The following GDAP1 variants were observed in gnomAD, a reference collection of about 807,000 sequenced individuals.
The protein encoded by GDAP1 is ganglioside-induced differentiation-associated protein 1.
A neutral mutation model predicts 40.1 loss-of-function variants in GDAP1; 34 were observed. The observed-to-expected ratio is 0.85, with a 90% CI of 0.64 to 1.13. The LOEUF (loss-of-function observed/expected upper bound fraction) is 1.13, where lower values mean the gene tolerates loss of function less well. GDAP1 is among the 50% of genes most tolerant of loss of function. GDAP1 has a pLI of 0.00. For synonymous variants in GDAP1, 170 were observed against 157.4 expected (o/e 1.08, Z -0.60); for missense variants, 374 against 433.7 (o/e 0.86, Z 1.22).
intron 2 of GDAP1, among the ~76,000 whole-genome samples, chr8:74,411,961 C>A (rs566310386): frequency 6.7e-6 from 1 of 149,970 alleles, no homozygotes; most frequent in Non-Finnish European, 1.5e-5. Flanking sequence ...CCTGGGAATA[C>A]CACTTTTTCA....
intron 2 of GDAP1, among the ~76,000 whole-genome samples, chr8:74,417,513 C>T (rs903808195): frequency 2.0e-5 from 3 of 150,034 alleles, no homozygotes; most frequent in African/African-American, 2.5e-5. Flanking sequence ...GTGATCCACC[C>T]GCCTAGGCCT....
intron 2 of GDAP1, among the ~76,000 whole-genome samples, chr8:74,402,541 C>T (rs7814432): frequency 0.49 from 73,366 of 149,626 alleles, 19,266 homozygotes; most frequent in Middle Eastern, 0.57. Flanking sequence ...CTTCGGCTCG[C>T]GCATGGTGCG....
At chr8:74,464,104 C>G (rs1264847482) in intron 2 of GDAP1, among the ~76,000 whole-genome samples, 1 of 152,018 alleles carries the variant, frequency 6.6e-6, no homozygotes, top group Non-Finnish European at 1.5e-5. Flanking sequence ...TTTTAAAGGA[C>G]AAATCTGGGT....
chr8:74,376,660 C>G (rs1345057421), intron 2 of GDAP1: 1 of 137,104 alleles, frequency 7.3e-6, no homozygotes, highest in Admixed American at 7.1e-5. Context: ...GAGGGACTTT[C>G]ATTATCTTAT....
At chr8:74,449,323 C>A (rs898978882) in intron 2 of GDAP1, among the ~76,000 whole-genome samples, 4 of 151,770 alleles carry the variant, frequency 2.6e-5, no homozygotes, top group African/African-American at 9.7e-5. Flanking sequence ...CATACAAGCT[C>A]TTCTGTGTTT....
chr8:74,383,791 G>T (rs893726383), intron 2 of GDAP1, among the ~76,000 whole-genome samples: 3 of 152,016 alleles, frequency 2.0e-5, no homozygotes, highest in Non-Finnish European at 4.4e-5. Context: ...ACCTATTGCC[G>T]ATTCACTTCT....
chr8:74,364,558 C>T lies in GDAP1; in HGVS notation c.*191C>T. On this transcript the variant is annotated 3_prime_UTR_variant, in exon 6 of 6. Coordinates refer to ENST00000220822, the MANE Select transcript of GDAP1 (RefSeq NM_018972.4). The stretch of plus-strand genomic sequence containing the variant: ...CAAAATTGCTTTATTCTACAACTGC[C>T]AGCTCCAGGCAGAAATAGGAAGGCA... 1.4e-6 allele frequency: 1 copy of T among 696,146 alleles called. No individual in the cohort carries two copies. The highest frequency in any genetic ancestry group is 2.6e-6 in the Non-Finnish European group (1 of 383,974). 43.1% of individuals were successfully genotyped at this position (696,146 alleles called of 1,614,324 possible).
chr8:74,465,438 C>G lies in GDAP1; in HGVS notation c.166-23240C>G, dbSNP rs531344827. Among the ~76,000 whole-genome samples the G allele has an allele frequency of 7.9e-5, 12 of 152,140 alleles. No homozygotes were observed. In the South Asian group the frequency reaches 1.7e-3, roughly 21 times the overall value. ...TACAAAGTACTGCTGGTCTCCCTTC[C>G]CTTCCACCTCCACTGCCCCACAGAG... On this transcript the variant is annotated intron_variant, in intron 2 of 2. Coordinates refer to the GDAP1 transcript ENST00000523640.
At chr8:74,379,130 G>A (rs1016069442) in intron 2 of GDAP1, among the ~76,000 whole-genome samples, 1 of 3,074 alleles carries the variant, frequency 3.3e-4, no homozygotes, top group Non-Finnish European at 1.0e-3. Flanking sequence ...GGTCATGTTT[G>A]TCCGACTTTC....
intron 2 of GDAP1, among the ~76,000 whole-genome samples, chr8:74,399,818 A>G (rs1441486936): frequency 7.3e-6 from 1 of 136,320 alleles, no homozygotes; most frequent in Non-Finnish European, 1.5e-5. Flanking sequence ...CCCAGTAGTC[A>G]TTCAGGAGCA....
At position 74,460,260 on chromosome 8, in the gene GDAP1, A is replaced by G. The variant is rs1458586972; in HGVS notation, c.166-28418A>G. On this transcript the variant is annotated intron_variant, in intron 2 of 2. Coordinates refer to the GDAP1 transcript ENST00000523640. ...TCCTTAAATTGTATGTGTCATGTTG[A>G]TCAAGCATTTGTTGATAAAGGAGAA... Among the ~76,000 whole-genome samples, 3 of 152,200 alleles carry G rather than the reference A, an allele frequency of 2.0e-5. No individual in the cohort carries two copies. In the East Asian group the frequency reaches 5.8e-4, roughly 29 times the overall value.
At chr8:74,362,880 T>G (rs960940180) in intron 4 of GDAP1, 59 bp from the exon 5 acceptor site, 11 of 782,334 alleles carry the variant, frequency 1.4e-5, no homozygotes, top group Non-Finnish European at 2.3e-5. Flanking sequence ...TTTACCTAGA[T>G]TTATTTTTTT....
At chr8:74,438,140 C>T (rs768759408) in intron 2 of GDAP1, among the ~76,000 whole-genome samples, 2 of 152,112 alleles carry the variant, frequency 1.3e-5, no homozygotes, top group African/African-American at 2.4e-5. Flanking sequence ...CATGGTGGCG[C>T]GCGCCTGTAG....
Position 74,360,266 on chromosome 8 carries a change from C to T in GDAP1, c.440C>T (p.Thr147Ile). 6.2e-7 allele frequency: 1 copy of T among 1,613,984 alleles called. No homozygotes were observed. Among genetic ancestry groups the T allele is most frequent in the Non-Finnish European group, 8.5e-7 (1 of 1,179,874 alleles). The change falls in exon 3 of 6, where the codon ACT (threonine) becomes ATT (isoleucine). Residue 147 changes from threonine to isoleucine, a missense_variant. Coordinates refer to ENST00000220822, the MANE Select transcript of GDAP1 (RefSeq NM_018972.4). ...THGCILHPEL[T>I]VDSMIPAYAT... ...GGCTGCATTTTACATCCTGAGTTAA[C>T]TGTGGACTCCATGATCCCGGCTTAT...
intron 2 of GDAP1, among the ~76,000 whole-genome samples, chr8:74,434,306 G>A (rs138635120): frequency 2.6e-5 from 4 of 152,278 alleles, no homozygotes; most frequent in Admixed American, 6.5e-5. Context: ...ATTCCTCAGT[G>A]TCTGTGACAG....
At chr8:74,374,552 A>C (rs530852196) in intron 2 of GDAP1, among the ~76,000 whole-genome samples, 18 of 152,192 alleles carry the variant, frequency 1.2e-4, no homozygotes, top group Non-Finnish European at 2.6e-4. Context: ...AAATTAACGA[A>C]ACTCAAAATT....
chr8:74,371,276 T>C (rs535037119), downstream of GDAP1, among the ~76,000 whole-genome samples: 1 of 152,272 alleles, frequency 6.6e-6, no homozygotes, highest in Admixed American at 6.5e-5. Context: ...AAGTGAAAAA[T>C]CAACAACTAA....
In GDAP1 at chr8:74,387,454, A is replaced by G. The variant is rs148380420; in HGVS notation, c.165+36133A>G. 5.3e-3 allele frequency among the ~76,000 whole-genome samples: 803 copies of G among 152,174 alleles called. 12 individuals carry two copies. The highest frequency in any genetic ancestry group is 0.029 in the South Asian group (141 of 4,816). On this transcript the variant is annotated intron_variant, in intron 2 of 2. Coordinates refer to the GDAP1 transcript ENST00000523640. ...TTGAGATAATTATGTGGTTTTTGTCATTGGTTCTGTTTATGTGATGGATCA... is the reference window on the plus strand; with the variant it reads ...TTGAGATAATTATGTGGTTTTTGTCGTTGGTTCTGTTTATGTGATGGATCA...
At chr8:74,389,591 C>G (rs1030568720) in intron 2 of GDAP1, among the ~76,000 whole-genome samples, 5 of 152,176 alleles carry the variant, frequency 3.3e-5, no homozygotes, top group Admixed American at 1.3e-4. Flanking sequence ...TGTCCTTTCT[C>G]TCTGGCTGCC....
Sources: gnomAD v4.1 joint callset for allele counts (sites outside exome capture counted in the v4.1 genomes callset) on GRCh38, gnomAD v4.1.1 for gene constraint, MANE v1.5 for transcripts, NCBI Gene and HGNC (gene_info 2026-07-23, HGNC 2026-07-21) for gene names.